SERPING1: variants seen among roughly 807,000 people sequenced by gnomAD.
The protein encoded by SERPING1 is serpin family G member 1, also known as plasma protease C1 inhibitor.
A neutral mutation model predicts 34.1 loss-of-function variants in SERPING1; 5 were observed. The ratio of observed to expected loss-of-function variants is 0.15; its 90% CI spans 0.08 to 0.31. SERPING1 has a LOEUF of 0.31. SERPING1 is among the 10% of genes least tolerant of loss of function. The pLI, the probability that SERPING1 is intolerant of heterozygous loss-of-function variation, is 1.00. For synonymous variants in SERPING1, 225 were observed against 242.4 expected (o/e 0.93, Z 0.67); for missense variants, 505 against 609.5 (o/e 0.83, Z 1.81).
intron 6 of SERPING1, chr11:57,611,508 C>A: frequency 1.6e-6 from 1 of 609,760 alleles, no homozygotes; most frequent in Non-Finnish European, 2.9e-6. Flanking sequence ...ATGCTCCTTC[C>A]TCTACCTCTC....
At chr11:57,601,855 C>CAA (rs5792050) in intron 3 of SERPING1, among the ~76,000 whole-genome samples, 180 bp from the exon 4 acceptor site, 1 of 57,790 alleles carries the variant, frequency 1.7e-5, no homozygotes, top group African/African-American at 6.8e-5. Context: ...GACTCTGTCT[C>CAA]AAAAAAAAAA....
At chr11:57,604,162 A>G (rs1945382240) in intron 4 of SERPING1, among the ~76,000 whole-genome samples, 1 of 151,374 alleles carries the variant, frequency 6.6e-6, no homozygotes, top group Admixed American at 6.6e-5. Context: ...GAATACCCAT[A>G]TGCATTCATT....
At chr11:57,603,692 A>C (rs1441149592) in intron 4 of SERPING1, among the ~76,000 whole-genome samples, 2 of 150,432 alleles carry the variant, frequency 1.3e-5, no homozygotes, top group African/African-American at 4.9e-5. Flanking sequence ...TACAAAACTT[A>C]GCCGGGCATG....
chr11:57,598,403 TA>T (rs1329375666), intron 2 of SERPING1, 82 bp downstream of exon 2: 1 of 1,376,366 alleles, frequency 7.3e-7, no homozygotes, highest in East Asian at 2.5e-5. Flanking sequence ...GGCTGAGGAT[TA>T]ACCCTTCAGG....
chr11:57,599,213 T>C (rs1483663961), intron 2 of SERPING1, among the ~76,000 whole-genome samples: 1 of 152,168 alleles, frequency 6.6e-6, no homozygotes, highest in Non-Finnish European at 1.5e-5. Context: ...AGTATATCTC[T>C]AGCCTCTACG....
intron 4 of SERPING1, among the ~76,000 whole-genome samples, chr11:57,603,450 G>A (rs2135313423): frequency 6.6e-6 from 1 of 152,132 alleles, no homozygotes; most frequent in South Asian, 2.1e-4. Flanking sequence ...AGGAGGCTGA[G>A]GCAGGAGAAT....
intron 4 of SERPING1, among the ~76,000 whole-genome samples, chr11:57,602,884 C>T (rs1265281204): frequency 6.6e-6 from 1 of 151,090 alleles, no homozygotes; most frequent in Admixed American, 6.6e-5. Context: ...GAGGCCAAGG[C>T]CTTCAAGACC....
Position 57,611,797 on chromosome 11 carries a change from G to T in SERPING1, c.1110G>T (p.Met370Ile). ...PQNLKHRLED[M>I]EQALSPSVFK... ...ACCTGAAACATCGTCTTGAAGACATGGAACAGGCTCTCAGCCCTTCTGTTT... is the reference window on the plus strand; with the variant it reads ...ACCTGAAACATCGTCTTGAAGACATTGAACAGGCTCTCAGCCCTTCTGTTT... The change falls in exon 7 of 8, where the codon ATG (methionine) becomes ATT (isoleucine). Residue 370 changes from methionine to isoleucine, a missense_variant. By Grantham distance (10) the Met-to-Ile change is conservative. Transcript: ENST00000278407. The T allele has an allele frequency of 6.2e-7, 1 of 1,614,234 alleles. No homozygotes were observed. The highest frequency in any genetic ancestry group is 1.7e-5 in the Admixed American group (1 of 60,030).
In SERPING1 at chr11:57,599,986, G is replaced by T; in HGVS notation, c.159G>T (p.Met53Ile). 1 of 1,614,168 alleles carries T rather than the reference G, an allele frequency of 6.2e-7. No homozygotes were observed. The highest frequency in any genetic ancestry group is 1.3e-5 in the African/African-American group (1 of 75,022). ...GKVATTVISKMLFVEPILEVS... is the reference protein window; with the variant it reads ...GKVATTVISKILFVEPILEVS... The stretch of plus-strand genomic sequence containing the variant: ...TCGCAACAACAGTTATCTCCAAGAT[G>T]CTATTCGTTGAACCCATCCTGGAGG... Residue 53 changes from methionine (M) to isoleucine (I), a missense_variant, in exon 3 of 8, where the codon ATG becomes ATT. Physicochemically the swap from Met to Ile is conservative, Grantham distance 10. Transcript: ENST00000278407.
chr11:57,609,974 T>C (rs1945461124), intron 6 of SERPING1, among the ~76,000 whole-genome samples: 1 of 152,208 alleles, frequency 6.6e-6, no homozygotes, highest in South Asian at 2.1e-4. Flanking sequence ...AGGTCGTAAT[T>C]ACGACTGTGC....
At position 57,603,855 on chromosome 11, in the gene SERPING1, A is replaced by C. The variant is rs1191398532; in HGVS notation, c.685+1686A>C. Among the ~76,000 whole-genome samples, 559 of 145,424 alleles carry C rather than the reference A, an allele frequency of 3.8e-3. 4 individuals are homozygous for C. Among genetic ancestry groups the C allele is most frequent in the African/African-American group, 0.013 (510 of 39,026 alleles). ...CACCATCTCAAAAAAAAAAAAAAAA[A>C]ATGGGGCGGGCGGGCCAGGCGCGGT... On this transcript the variant is annotated intron_variant, in intron 4 of 7. Transcript: ENST00000278407.
At chr11:57,608,269 A>G (rs975146149) in intron 6 of SERPING1, among the ~76,000 whole-genome samples, 1 of 152,220 alleles carries the variant, frequency 6.6e-6, no homozygotes, top group Non-Finnish European at 1.5e-5. Context: ...TTTAAATGTA[A>G]CTATTCGAAT....
At chr11:57,608,983 G>A (rs903565188) in intron 6 of SERPING1, among the ~76,000 whole-genome samples, 6 of 152,080 alleles carry the variant, frequency 3.9e-5, no homozygotes, top group African/African-American at 1.2e-4. Flanking sequence ...GCTACATTAA[G>A]AGTAGGGTGA....
intron 3 of SERPING1, 47 bp from the exon 4 acceptor site, chr11:57,601,988 C>G: frequency 1.2e-6 from 2 of 1,613,308 alleles, no homozygotes; most frequent in Non-Finnish European, 1.7e-6. Context: ...CAAGGAAGGC[C>G]CCCGACTCAT....
intron 4 of SERPING1, among the ~76,000 whole-genome samples, chr11:57,604,131 CAAAAAAA>C (rs71470279): frequency 8.0e-6 from 1 of 125,626 alleles, no homozygotes. Context: ...GACTCTGTCT[CAAAAAAA>C]AAAAAAAAAA....
intron 4 of SERPING1, among the ~76,000 whole-genome samples, chr11:57,603,981 C>A (rs1945379641): frequency 1.3e-5 from 2 of 152,090 alleles, no homozygotes; most frequent in African/African-American, 4.8e-5. Context: ...GAAACCCTGT[C>A]TCTGTTAAAA....
chr11:57,611,563 C>G, intron 6 of SERPING1, 154 bp from the exon 7 acceptor site: 2 of 764,756 alleles, frequency 2.6e-6, no homozygotes, highest in Admixed American at 1.9e-5. Context: ...GCTGGTATCC[C>G]CATTTCATGG....
chr11:57,603,877 C>CGGG (rs1013802661), intron 4 of SERPING1, among the ~76,000 whole-genome samples: 19 of 149,530 alleles, frequency 1.3e-4, no homozygotes, highest in African/African-American at 4.7e-4. Context: ...GGGCCAGGCG[C>CGGG]GGTGTCTCAC....
At chr11:57,602,265 G>A (rs1945356903) in intron 4 of SERPING1, 96 bp downstream of exon 4, 13 of 1,436,966 alleles carry the variant, frequency 9.0e-6, no homozygotes, top group South Asian at 5.8e-5. Flanking sequence ...CAGAGGGAAT[G>A]TTGGAGCTAC....
Sources: allele counts gnomAD v4.1 joint callset (sites outside exome capture counted in the v4.1 genomes callset), GRCh38; gene constraint gnomAD v4.1.1; transcripts MANE v1.5; gene names NCBI Gene and HGNC (gene_info 2026-07-23, HGNC 2026-07-21).